Variants in SLC16A11 observed in about 807,000 individuals in gnomAD.
SLC16A11 encodes solute carrier family 16 member 11.
SLC16A11 carries 24 observed loss-of-function variants against 26.0 expected under a neutral mutation model. That is an observed-to-expected ratio of 0.92 (90% CI 0.67 to 1.30). The LOEUF is 1.30. Among genes scored for constraint, SLC16A11 ranks in the 50% most tolerant of loss-of-function variants. The probability of loss-of-function intolerance (pLI) is 0.00; values close to 1 mark genes in which losing one functional copy is unlikely to be tolerated. For synonymous variants in SLC16A11, 332 were observed against 296.0 expected, an observed-to-expected ratio of 1.12 and a Z score of -1.25; for missense variants, 638 against 597.7, an observed-to-expected ratio of 1.07 and a Z score of -0.70.
rs781763281 is a variant in SLC16A11, at chr17:7,043,532, G to A, written c.-6-13C>T. ...GGGTCATCGCCGTCTGCGGGGTGGG[G>A]AAACATCTGTGAGAGAAGCCTCCAC... On this transcript the variant is annotated splice_polypyrimidine_tract_variant and intron_variant, in intron 1 of 4. Transcript: ENST00000574600. 1 of 1,595,772 alleles carries A rather than the reference G, an allele frequency of 6.3e-7. No individual in the cohort carries two copies. The highest frequency in any genetic ancestry group is 8.5e-7 in the Non-Finnish European group (1 of 1,177,596).
In SLC16A11 at chr17:7,042,460, C is replaced by A; in HGVS notation, c.650G>T (p.Arg217Leu). The part of the protein sequence containing the change: ...LAALGLSLFT[R>L]RAFSIFALGT... The stretch of plus-strand genomic sequence containing the variant: ...TAGAGCAAAGATTGAGAAGGCCCGG[C>A]GTGTGAACAGACTCAGGCCGAGGGC... The change falls in exon 4 of 5, where the codon CGC becomes CTC. Residue 217 changes from arginine (R) to leucine (L), a missense_variant. Arg to Leu is a moderately radical substitution (Grantham distance 102). Transcript: ENST00000574600. The surrounding 1 kb of genome is among the most constrained non-coding windows in gnomAD (Gnocchi z 5.9). The A allele has an allele frequency of 1.9e-6, 3 of 1,556,798 alleles. No homozygotes were observed. Among genetic ancestry groups the A allele is most frequent in the Non-Finnish European group, 2.6e-6 (3 of 1,149,996 alleles).
chr17:7,042,166 C>G lies in SLC16A11; in HGVS notation c.944G>C (p.Gly315Ala). 1 of 1,574,836 alleles carries G rather than the reference C, an allele frequency of 6.3e-7. No individual in the cohort carries two copies. The highest frequency in any genetic ancestry group is 8.6e-7 in the Non-Finnish European group (1 of 1,162,094). ...VPVVGGEESW[G>A]GPLLAAAVAY... is the part of the protein sequence containing the mutation. ...CACAGCCGCGGCCAGCAGGGGACCC[C>G]CCCAGCTCTCTTCGCCGCCCACCAC... The change falls in exon 4 of 5, where the codon GGG (glycine) becomes GCG (alanine). Residue 315 changes from glycine to alanine, a missense_variant. Transcript: ENST00000574600. This position sits in a 1 kb window ranked among gnomAD's most constrained non-coding sequence, Gnocchi z 5.9.
In SLC16A11 at chr17:7,042,074, C is replaced by T. The variant is rs756009338; in HGVS notation, c.1036G>A (p.Val346Ile). Reference sequence around the variant, plus strand: ...CCTGTGGCCTGCACCACACCTCCGACGCCCACCAGCCCGGGGAGTACACCG... The same window carrying T: ...CCTGTGGCCTGCACCACACCTCCGATGCCCACCAGCCCGGGGAGTACACCG... The part of the protein sequence containing the change: ...VFGVLPGLVG[V>I]GGVVQATGLV... Residue 346 changes from valine (V) to isoleucine (I), a missense_variant, in exon 4 of 5, where the codon GTC becomes ATC. By Grantham distance (29) the Val-to-Ile change is conservative. Transcript: ENST00000574600. The surrounding 1 kb of genome is among the most constrained non-coding windows in gnomAD (Gnocchi z 5.9). 3.7e-6 allele frequency: 6 copies of T among 1,606,524 alleles called. No homozygotes were observed. The highest frequency in any genetic ancestry group is 5.1e-6 in the Non-Finnish European group (6 of 1,175,058).
chr17:7,042,218 C>G lies in SLC16A11; in HGVS notation c.892G>C (p.Gly298Arg). 1 of 1,577,378 alleles carries G rather than the reference C, an allele frequency of 6.3e-7. No homozygotes were observed. ...GGCACCAGCCCCACCACCCACAGCC[C>G]CAGCCCAGTCAGAGCCCCGAATACG... is the stretch of plus-strand genomic sequence containing the variant. ...LAVFGALTGLGLWVVGLVPVV... is the reference protein window; with the variant it reads ...LAVFGALTGLRLWVVGLVPVV... Residue 298 changes from glycine to arginine, a missense_variant, in exon 4 of 5, where the codon GGG becomes CGG. Coordinates refer to ENST00000574600, the MANE Select transcript of SLC16A11 (RefSeq NM_001370549.1). This position sits in a 1 kb window ranked among gnomAD's most constrained non-coding sequence, Gnocchi z 5.9.
chr17:7,043,075 T>C lies in SLC16A11; in HGVS notation c.203-2A>G. The stretch of plus-strand genomic sequence containing the variant: ...TGCTCAGGGCGCTGCCCACGGGGCC[T>C]GAAAGGGGGCGGAGTCAACGGAAGA... On this transcript the variant is annotated splice_acceptor_variant, in intron 2 of 4. Transcript: ENST00000574600. LOFTEE classifies it high-confidence loss of function. The C allele has an allele frequency of 2.0e-6, 3 of 1,537,864 alleles. 1 individual carries two copies. The highest frequency in any genetic ancestry group is 2.4e-5 in the South Asian group (2 of 83,016).
Position 7,041,989 on chromosome 17 carries a change from T to C in SLC16A11, c.1114+7A>G. The C allele has an allele frequency of 6.3e-7, 1 of 1,584,360 alleles. No homozygotes were observed. Among genetic ancestry groups the C allele is most frequent in the Middle Eastern group, 1.7e-4 (1 of 5,930 alleles). On this transcript the variant is annotated splice_region_variant and intron_variant, in intron 4 of 4. Transcript: ENST00000574600. ...TTGTAGGCAGATCTGTGAGCTCAGG[T>C]CCTTACCTGACAGGGGAGGGCCCAG...
chr17:7,042,856 T>C lies in SLC16A11; in HGVS notation c.346+74A>G. 2 of 1,598,728 alleles carry C rather than the reference T, an allele frequency of 1.3e-6. No homozygotes were observed. Among genetic ancestry groups the C allele is most frequent in the Non-Finnish European group, 1.7e-6 (2 of 1,173,194 alleles). On this transcript the variant is annotated intron_variant, in intron 3 of 4. Coordinates refer to ENST00000574600, the MANE Select transcript of SLC16A11 (RefSeq NM_001370549.1). This position sits in a 1 kb window ranked among gnomAD's most constrained non-coding sequence, Gnocchi z 5.9. Reference sequence around the variant, plus strand: ...TCTCCGCACCAGGCCCCCGCCTCGTTCGCTACCCCAGATCCCAACAAGCTC... The same window carrying C: ...TCTCCGCACCAGGCCCCCGCCTCGTCCGCTACCCCAGATCCCAACAAGCTC...
At position 7,042,204 on chromosome 17, in the gene SLC16A11, C is replaced by A; in HGVS notation, c.906G>T (p.Val302=). The A allele has an allele frequency of 1.9e-6, 3 of 1,572,170 alleles. No individual in the cohort carries two copies. In the South Asian group the frequency reaches 3.5e-5, roughly 18 times the overall value. ...CGCCGCCCACCACGGGCACCAGCCCCACCACCCACAGCCCCAGCCCAGTCA... is the reference window on the plus strand; with the variant it reads ...CGCCGCCCACCACGGGCACCAGCCCAACCACCCACAGCCCCAGCCCAGTCA... ...GALTGLGLWV[V]GLVPVVGGEE... The change falls in exon 4 of 5, where the codon GTG becomes GTT. Residue 302 remains valine (V), a synonymous_variant. Coordinates refer to ENST00000574600, the MANE Select transcript of SLC16A11 (RefSeq NM_001370549.1). The surrounding 1 kb of genome is among the most constrained non-coding windows in gnomAD (Gnocchi z 5.9).
chr17:7,041,651 TG>T lies in SLC16A11; in HGVS notation c.*27del, dbSNP rs1294649336. The T allele has an allele frequency of 1.3e-6, 2 of 1,541,726 alleles. No individual in the cohort carries two copies. The highest frequency in any genetic ancestry group is 2.3e-5 in the East Asian group (1 of 44,188). ...GGAAAACCCGATAAAAATTCTTTAT[TG>T]GGGGAGGGGCTCAAACAAGAAAATA... On this transcript the variant is annotated 3_prime_UTR_variant, in exon 5 of 5. Transcript: ENST00000574600.
rs771585776 is a variant in SLC16A11, at chr17:7,042,099, G to A, written c.1011C>T (p.Phe337=). Residue 337 remains phenylalanine, a synonymous_variant, in exon 4 of 5, where the codon TTC becomes TTT. Coordinates refer to ENST00000574600, the MANE Select transcript of SLC16A11 (RefSeq NM_001370549.1). This position sits in a 1 kb window ranked among gnomAD's most constrained non-coding sequence, Gnocchi z 5.9. ...CGCCCACCAGCCCGGGGAGTACACC[G>A]AAAACCAGCGGGGCGTAACTCCCCG... ...LSAGSYAPLV[F]GVLPGLVGVG... The A allele has an allele frequency of 9.4e-5, 151 of 1,606,142 alleles. 1 individual carries two copies. The highest frequency in any genetic ancestry group is 1.2e-4 in the Non-Finnish European group (142 of 1,175,698).
Position 7,043,058 on chromosome 17 carries a change from G to A in SLC16A11, c.218C>T (p.Ala73Val). The change falls in exon 3 of 5, where the codon GCC becomes GTC. Residue 73 changes from alanine (A) to valine (V), a missense_variant. Physicochemically the swap from Ala to Val is moderately conservative, Grantham distance 64. Coordinates refer to ENST00000574600, the MANE Select transcript of SLC16A11 (RefSeq NM_001370549.1). Reference sequence around the variant, plus strand: ...GCGGGCCCCCCAGCGCGTGCTCAGGGCGCTGCCCACGGGGCCTGAAAGGGG... The same window carrying A: ...GCGGGCCCCCCAGCGCGTGCTCAGGACGCTGCCCACGGGGCCTGAAAGGGG... The part of the protein sequence containing the change: ...VQQAASPVGS[A>V]LSTRWGARPV... 2 of 1,557,244 alleles carry A rather than the reference G, an allele frequency of 1.3e-6. No homozygotes were observed. The highest frequency in any genetic ancestry group is 8.7e-7 in the Non-Finnish European group (1 of 1,151,028).
In SLC16A11 at chr17:7,043,092, A is replaced by G. The variant is rs1597347821; in HGVS notation, c.203-19T>C. On this transcript the variant is annotated intron_variant, in intron 2 of 4. Coordinates refer to ENST00000574600, the MANE Select transcript of SLC16A11 (RefSeq NM_001370549.1). ...ACGGGGCCTGAAAGGGGGCGGAGTC[A>G]ACGGAAGACACGCCCCCGGGCCCCC... The G allele has an allele frequency of 1.3e-6, 2 of 1,510,240 alleles. No individual in the cohort carries two copies. Among genetic ancestry groups the G allele is most frequent in the Non-Finnish European group, 1.8e-6 (2 of 1,131,018 alleles). The allele number at this position is 1,510,240 out of a possible 1,614,324, so 93.6% of individuals were successfully genotyped here. A position where few individuals can be genotyped will look rare whatever the true frequency, so the allele number is the denominator to read the frequency against.
Position 7,042,176 on chromosome 17 carries a change from C to T in SLC16A11, c.934G>A (p.Glu312Lys). Residue 312 changes from glutamate to lysine, a missense_variant, in exon 4 of 5, where the codon GAG (glutamate) becomes AAG (lysine). Transcript: ENST00000574600. The surrounding 1 kb of genome is among the most constrained non-coding windows in gnomAD (Gnocchi z 5.9). ...GCCAGCAGGGGACCCCCCCAGCTCTCTTCGCCGCCCACCACGGGCACCAGC... is the reference window on the plus strand; with the variant it reads ...GCCAGCAGGGGACCCCCCCAGCTCTTTTCGCCGCCCACCACGGGCACCAGC... ...VGLVPVVGGE[E>K]SWGGPLLAAA... The T allele has an allele frequency of 1.3e-6, 2 of 1,569,850 alleles. No individual in the cohort carries two copies. Among genetic ancestry groups the T allele is most frequent in the Non-Finnish European group, 1.7e-6 (2 of 1,159,436 alleles).
chr17:7,041,735 G>C lies in SLC16A11; in HGVS notation c.1288C>G (p.Gln430Glu), dbSNP rs372216024. Residue 430 changes from glutamine (Q) to glutamate (E), a missense_variant, in exon 5 of 5, where the codon CAG becomes GAG. Gln to Glu is a conservative substitution (Grantham distance 29). Coordinates refer to ENST00000574600, the MANE Select transcript of SLC16A11 (RefSeq NM_001370549.1). ...CCTCCTGGGGACAGCAAGACTGCCT[G>C]GGGAGCGGGAAGCAGCTCCCCCGTC... is the stretch of plus-strand genomic sequence containing the variant. ...PETGELLPAP[Q>E]AVLLSPGGPG... 3.6e-5 allele frequency: 58 copies of C among 1,613,220 alleles called. No individual in the cohort carries two copies. Among genetic ancestry groups the C allele is most frequent in the Non-Finnish European group, 4.4e-5 (52 of 1,179,918 alleles).
In SLC16A11 at chr17:7,042,411, C is replaced by T. The variant is rs765139703; in HGVS notation, c.699G>A (p.Gly233=). Residue 233 remains glycine (G), a synonymous_variant, in exon 4 of 5, where the codon GGG becomes GGA. Transcript: ENST00000574600. The surrounding 1 kb of genome is among the most constrained non-coding windows in gnomAD (Gnocchi z 5.9). ...CCAAGTGCACGTAAGGAACGAAGTACCCGCCCCCAACCAGGGCTGTGCCTA... is the reference window on the plus strand; with the variant it reads ...CCAAGTGCACGTAAGGAACGAAGTATCCGCCCCCAACCAGGGCTGTGCCTA... The part of the protein sequence containing the change: ...FALGTALVGG[G]YFVPYVHLAP... The T allele has an allele frequency of 5.1e-6, 8 of 1,560,662 alleles. No individual in the cohort carries two copies. The South Asian group carries it at 8.2e-5, about 16-fold the overall frequency.
At position 7,043,493 on chromosome 17, in the gene SLC16A11, T is replaced by C; in HGVS notation, c.21A>G (p.Gly7=). 6.3e-7 allele frequency: 1 copy of C among 1,597,738 alleles called. No individual in the cohort carries two copies. Among genetic ancestry groups the C allele is most frequent in the Non-Finnish European group, 8.5e-7 (1 of 1,177,750 alleles). The change falls in exon 2 of 5, where the codon GGA becomes GGG. Residue 7 remains glycine (G), a synonymous_variant. Coordinates refer to ENST00000574600, the MANE Select transcript of SLC16A11 (RefSeq NM_001370549.1). ...CCCAGCCCCAGCCCCCATCCGGGGG[T>C]CCGGCGGGCTGGGGGGTCATCGCCG... MTPQPA[G]PPDGGWGWVV...
At chr17:7,043,263 C>T (rs1419308545) in intron 2 of SLC16A11, 49 bp downstream of exon 2, 1 of 1,566,582 alleles carries the variant, frequency 6.4e-7, no homozygotes, top group Non-Finnish European at 8.6e-7. Context: ...TCCCTCCACT[C>T]ACGGCTCCTC....
chr17:7,043,185 C>T, intron 2 of SLC16A11, 112 bp from the exon 3 acceptor site: 1 of 1,465,946 alleles, frequency 6.8e-7, no homozygotes, highest in Non-Finnish European at 9.0e-7. Flanking sequence ...TCCTTGACCT[C>T]AAGATGCACT....
chr17:7,043,207 C>G, intron 2 of SLC16A11, 105 bp downstream of exon 2: 1 of 1,487,898 alleles, frequency 6.7e-7, no homozygotes, highest in Non-Finnish European at 8.9e-7. Context: ...TTTTCTAGAG[C>G]CGGTTGCCCT....
Sources: allele counts gnomAD v4.1 joint callset, GRCh38; gene constraint gnomAD v4.1.1; non-coding constraint Gnocchi (gnomAD v3.1); transcripts MANE v1.5; gene names NCBI Gene and HGNC (gene_info 2026-07-23, HGNC 2026-07-21).